Variants in APLF observed in about 807,000 individuals in gnomAD.
APLF encodes aprataxin and PNKP like factor, also known as aprataxin and PNK-like factor.
APLF carries 61 observed loss-of-function variants against 55.6 expected under a neutral mutation model. The observed-to-expected ratio is 1.10, with a 90% CI of 0.89 to 1.36. APLF has a LOEUF of 1.36. Ranked by LOEUF, APLF falls within the 40% of genes most tolerant of loss-of-function variation. The pLI, the probability that APLF is intolerant of heterozygous loss-of-function variation, is 0.00. For missense variants in APLF, 611 were observed against 602.5 expected, an observed-to-expected ratio of 1.01 and a Z score of -0.15; for synonymous variants, 207 against 214.8, an observed-to-expected ratio of 0.96 and a Z score of 0.32.
chr2:68,471,682 G>A (rs1255383628), intron 1 of APLF, among the ~76,000 whole-genome samples: 2 of 152,160 alleles, frequency 1.3e-5, no homozygotes, highest in African/African-American at 4.8e-5. Context: ...TGGTAACAGT[G>A]TCATATTGTT....
At chr2:68,531,700 A>G (rs1169962115) in intron 6 of APLF, among the ~76,000 whole-genome samples, 1 of 152,238 alleles carries the variant, frequency 6.6e-6, no homozygotes, top group East Asian at 1.9e-4. Flanking sequence ...TGAACATGTC[A>G]ATTGACGTTG....
intron 1 of APLF, among the ~76,000 whole-genome samples, chr2:68,468,817 C>G (rs570195657): frequency 1.3e-5 from 2 of 152,160 alleles, no homozygotes; most frequent in East Asian, 1.9e-4. Context: ...CTCTTGGGAC[C>G]GGGGAGACAC....
At chr2:68,516,086 C>G (rs1669570182) in intron 5 of APLF, among the ~76,000 whole-genome samples, 1 of 151,554 alleles carries the variant, frequency 6.6e-6, no homozygotes. Flanking sequence ...TTATCTGAAA[C>G]TAACTTGATA....
At chr2:68,473,012 T>C (rs977372170) in intron 1 of APLF, among the ~76,000 whole-genome samples, 9 of 152,180 alleles carry the variant, frequency 5.9e-5, no homozygotes, top group Non-Finnish European at 8.8e-5. Context: ...TGAATCCACA[T>C]TGACATGTCA....
At chr2:68,479,903 A>C (rs1021714259) in intron 1 of APLF, among the ~76,000 whole-genome samples, 1 of 151,936 alleles carries the variant, frequency 6.6e-6, no homozygotes, top group Admixed American at 6.5e-5. Flanking sequence ...AAGACAATGA[A>C]GATGAAGACC....
intron 9 of APLF, among the ~76,000 whole-genome samples, chr2:68,570,913 CAGTGTAAA>C (rs1671442174): frequency 6.6e-6 from 1 of 152,202 alleles, no homozygotes; most frequent in Non-Finnish European, 1.5e-5. Flanking sequence ...GTCCCACCAA[CAGTGTAAA>C]AGTGTTCTTG....
At chr2:68,564,536 G>A (rs1421521905) in intron 8 of APLF, among the ~76,000 whole-genome samples, 2 of 151,998 alleles carry the variant, frequency 1.3e-5, no homozygotes, top group African/African-American at 2.4e-5. Flanking sequence ...ATAATGAAGG[G>A]ATCAAAGGCT....
chr2:68,490,767 C>T (rs1676333020), intron 2 of APLF, among the ~76,000 whole-genome samples: 1 of 152,102 alleles, frequency 6.6e-6, no homozygotes, highest in Admixed American at 6.5e-5. Context: ...TTATAGTTTA[C>T]TGCTGCGAAA....
At chr2:68,551,181 A>G (rs1459246606) in intron 8 of APLF, among the ~76,000 whole-genome samples, 1 of 152,098 alleles carries the variant, frequency 6.6e-6, no homozygotes, top group African/African-American at 2.4e-5. Context: ...GGACTCTTGC[A>G]TCCATAGTTT....
At position 68,577,810 on chromosome 2, in the gene APLF, T is replaced by C. The variant is rs1358034325; in HGVS notation, c.1334-10T>C. 2 of 1,612,620 alleles carry C rather than the reference T, an allele frequency of 1.2e-6. No individual in the cohort carries two copies. The highest frequency in any genetic ancestry group is 1.1e-5 in the South Asian group (1 of 91,008). On this transcript the variant is annotated splice_polypyrimidine_tract_variant and intron_variant, in intron 9 of 9. Coordinates refer to ENST00000303795, the MANE Select transcript of APLF (RefSeq NM_173545.3). The stretch of plus-strand genomic sequence containing the variant: ...ATTGATGTGTTGTGTACCAATCTTC[T>C]GTTTTGCAGTGAGAAATGTTTTAGA...
chr2:68,521,495 C>G (rs144611255), intron 5 of APLF, among the ~76,000 whole-genome samples: 1 of 151,742 alleles, frequency 6.6e-6, no homozygotes, highest in African/African-American at 2.4e-5. Flanking sequence ...GTTTCTTAGG[C>G]CTGGGCTAAA....
At chr2:68,469,830 A>G (rs1192011792) in intron 1 of APLF, among the ~76,000 whole-genome samples, 2 of 152,238 alleles carry the variant, frequency 1.3e-5, no homozygotes, top group Non-Finnish European at 2.9e-5. Flanking sequence ...GGAAACGATT[A>G]ATATAAATAA....
intron 6 of APLF, among the ~76,000 whole-genome samples, chr2:68,536,559 G>A (rs1253765565): frequency 6.6e-6 from 1 of 152,042 alleles, no homozygotes; most frequent in Admixed American, 6.5e-5. Flanking sequence ...TCTACTCCAC[G>A]GGAAGTATAA....
At chr2:68,531,694 C>T (rs1041573473) in intron 6 of APLF, among the ~76,000 whole-genome samples, 1 of 152,234 alleles carries the variant, frequency 6.6e-6, no homozygotes, top group African/African-American at 2.4e-5. Context: ...GAACTCTGAA[C>T]ATGTCAATTG....
intron 5 of APLF, 24 bp downstream of exon 5, chr2:68,513,704 C>T (rs1441974554): frequency 6.2e-7 from 1 of 1,606,232 alleles, no homozygotes. Flanking sequence ...TCTACTAATG[C>T]TGACTTTAAA....
chr2:68,498,915 T>C (rs1676637530), intron 2 of APLF, among the ~76,000 whole-genome samples: 1 of 152,174 alleles, frequency 6.6e-6, no homozygotes, highest in Non-Finnish European at 1.5e-5. Context: ...TGCACAAAGT[T>C]CCCGAATTGA....
rs569998071 is a variant in APLF at position 68,547,084 on chromosome 2, G to T, written c.1286+1772G>T. On this transcript the variant is annotated intron_variant, in intron 8 of 9. Transcript: ENST00000303795. Reference sequence around the variant, plus strand: ...TCAATATATAAAACCAATTGTATTTGTATATTCCAGCATTAACCGGTAAGA... The same window carrying T: ...TCAATATATAAAACCAATTGTATTTTTATATTCCAGCATTAACCGGTAAGA... Among the ~76,000 whole-genome samples the T allele has an allele frequency of 4.0e-5, 6 of 151,794 alleles. No homozygotes were observed. In the South Asian group the frequency reaches 8.3e-4, roughly 21 times the overall value.
At chr2:68,475,267 A>T (rs1157704229) in intron 1 of APLF, among the ~76,000 whole-genome samples, 1 of 152,222 alleles carries the variant, frequency 6.6e-6, no homozygotes, top group Non-Finnish European at 1.5e-5. Flanking sequence ...AGCATTCACT[A>T]TGTAAGCAGC....
intron 1 of APLF, among the ~76,000 whole-genome samples, chr2:68,473,171 A>C (rs1675672712): frequency 6.6e-6 from 1 of 152,144 alleles, no homozygotes; most frequent in Non-Finnish European, 1.5e-5. Flanking sequence ...TGCTCTGCCT[A>C]TTCATCCCCC....
Sources: gnomAD v4.1 joint callset for allele counts (sites outside exome capture counted in the v4.1 genomes callset) on GRCh38, gnomAD v4.1.1 for gene constraint, MANE v1.5 for transcripts, NCBI Gene and HGNC (gene_info 2026-07-23, HGNC 2026-07-21) for gene names.